The following ZBTB16 variants were observed in gnomAD, a reference collection of about 807,000 sequenced individuals.
The protein encoded by ZBTB16 is zinc finger and BTB domain containing 16, also known as zinc finger and BTB domain-containing protein 16.
ZBTB16 carries 8 observed loss-of-function variants against 56.8 expected under a neutral mutation model. The ratio of observed to expected loss-of-function variants is 0.14; its 90% CI spans 0.08 to 0.25. The LOEUF (loss-of-function observed/expected upper bound fraction) is 0.25, where lower values mean the gene tolerates loss of function less well. Among genes scored for constraint, ZBTB16 ranks in the 10% least tolerant of loss-of-function variants. The probability of loss-of-function intolerance (pLI) is 1.00; values close to 1 mark genes in which losing one functional copy is unlikely to be tolerated. For missense variants in ZBTB16, 625 were observed against 903.0 expected, an observed-to-expected ratio of 0.69 and a Z score of 3.95; for synonymous variants, 363 against 368.5, an observed-to-expected ratio of 0.98 and a Z score of 0.17.
At chr11:114,083,458 G>A (rs1302215127) in intron 2 of ZBTB16, among the ~76,000 whole-genome samples, 1 of 152,162 alleles carries the variant, frequency 6.6e-6, no homozygotes, top group African/African-American at 2.4e-5. Flanking sequence ...CGTCCCAGTC[G>A]CTGGCTCCAG....
At chr11:114,231,860 G>A (rs1944446746) in intron 4 of ZBTB16, among the ~76,000 whole-genome samples, 1 of 152,160 alleles carries the variant, frequency 6.6e-6, no homozygotes, top group Non-Finnish European at 1.5e-5. Context: ...TTGAATATTA[G>A]AGTGGAGAAA....
At chr11:114,099,583 CTGCTGGTGAG>C (rs1940537296) in intron 2 of ZBTB16, among the ~76,000 whole-genome samples, 1 of 152,044 alleles carries the variant, frequency 6.6e-6, no homozygotes. Flanking sequence ...AAGGCTTAGC[CTGCTGGTGAG>C]TCAATGGTTC....
chr11:114,224,512 C>T (rs1310660926), intron 4 of ZBTB16, among the ~76,000 whole-genome samples: 3 of 152,108 alleles, frequency 2.0e-5, no homozygotes, highest in African/African-American at 7.2e-5. Context: ...TGTGGGTATA[C>T]AGACGTATCT....
chr11:114,230,667 G>A (rs886612095), intron 4 of ZBTB16, among the ~76,000 whole-genome samples: 1 of 149,100 alleles, frequency 6.7e-6, no homozygotes, highest in Non-Finnish European at 1.5e-5. Flanking sequence ...CCATTAAAAT[G>A]TCAGTAAAAT....
intron 2 of ZBTB16, among the ~76,000 whole-genome samples, chr11:114,065,330 T>C (rs1039512972): frequency 1.3e-5 from 2 of 152,258 alleles, no homozygotes; most frequent in African/African-American, 4.8e-5. Context: ...TAACCATTCA[T>C]TGAGCTCTTA....
intron 2 of ZBTB16, among the ~76,000 whole-genome samples, chr11:114,121,484 C>T (rs1459209009): frequency 6.6e-6 from 1 of 152,124 alleles, no homozygotes; most frequent in Admixed American, 6.5e-5. Context: ...TATTCTCATG[C>T]CTGGTTCTTG....
chr11:114,131,904 A>G (rs909368374), intron 2 of ZBTB16, among the ~76,000 whole-genome samples: 1 of 151,890 alleles, frequency 6.6e-6, no homozygotes, highest in Non-Finnish European at 1.5e-5. Flanking sequence ...AAATGGGGAG[A>G]TTTTGCATGC....
In ZBTB16 at chr11:114,255,050, G is replaced by A. The variant is rs1374970975; in HGVS notation, c.*4495G>A. Among the ~76,000 whole-genome samples the A allele has an allele frequency of 6.6e-5, 10 of 152,280 alleles. No individual in the cohort carries two copies. The East Asian group carries it at 1.4e-3, about 21-fold the overall frequency. On this transcript the variant is annotated 3_prime_UTR_variant, in exon 7 of 7. Coordinates refer to ENST00000335953, the MANE Select transcript of ZBTB16 (RefSeq NM_006006.6). The stretch of plus-strand genomic sequence containing the variant: ...TCACATAGTGTTATGCATGATCTTC[G>A]TAAGGTTAAGAAGCCGTGGTGGTGC...
At chr11:114,211,171 C>T (rs1943991879) in intron 4 of ZBTB16, among the ~76,000 whole-genome samples, 1 of 152,214 alleles carries the variant, frequency 6.6e-6, no homozygotes, top group African/African-American at 2.4e-5. Flanking sequence ...ATCCACCCTC[C>T]TTGGCCTCCC....
intron 4 of ZBTB16, among the ~76,000 whole-genome samples, chr11:114,228,053 A>C (rs532938239): frequency 6.6e-6 from 1 of 152,210 alleles, no homozygotes; most frequent in Admixed American, 6.5e-5. Flanking sequence ...AGGGATTCTT[A>C]ACTTTTTTGT....
At chr11:114,157,589 T>A (rs901057935) in intron 3 of ZBTB16, among the ~76,000 whole-genome samples, 1 of 152,138 alleles carries the variant, frequency 6.6e-6, no homozygotes, top group African/African-American at 2.4e-5. Context: ...TTTAGTACTG[T>A]CTTTCCCCTG....
chr11:114,095,810 AC>A (rs1940384199), intron 2 of ZBTB16, among the ~76,000 whole-genome samples: 1 of 152,192 alleles, frequency 6.6e-6, no homozygotes, highest in Non-Finnish European at 1.5e-5. Context: ...TGGGAAGCAG[AC>A]CAGGCTCTGA....
intron 2 of ZBTB16, among the ~76,000 whole-genome samples, chr11:114,150,824 G>A (rs1346674667): frequency 6.6e-5 from 10 of 152,154 alleles, no homozygotes; most frequent in Admixed American, 3.9e-4. Flanking sequence ...CTTAAGAGTC[G>A]GTTGCTTTTG....
rs1208273703 is a variant in ZBTB16, at chr11:114,143,679, G to C, written c.1269-12658G>C. ...GGGGCCAACGTCCTTGTGCATTGAG[G>C]CTCCAGCCTCTCTTCTCCTCCATGC... is the stretch of plus-strand genomic sequence containing the variant. On this transcript the variant is annotated intron_variant, in intron 2 of 6. Transcript: ENST00000335953. This position sits in a 1 kb window ranked among gnomAD's most constrained non-coding sequence, Gnocchi z 6.4. Among the ~76,000 whole-genome samples the C allele has an allele frequency of 1.3e-5, 2 of 152,186 alleles. No homozygotes were observed. The highest frequency in any genetic ancestry group is 1.3e-4 in the Admixed American group (2 of 15,278).
chr11:114,236,748 A>T (rs1191377332), intron 4 of ZBTB16, among the ~76,000 whole-genome samples: 1 of 152,206 alleles, frequency 6.6e-6, no homozygotes, highest in Admixed American at 6.5e-5. Flanking sequence ...TTCAACATGC[A>T]GTTATTAAGT....
intron 2 of ZBTB16, among the ~76,000 whole-genome samples, chr11:114,130,104 G>A (rs1346174125): frequency 2.0e-5 from 3 of 152,178 alleles, no homozygotes; most frequent in East Asian, 1.9e-4. Flanking sequence ...TTTCACTTAC[G>A]AAAAGTTTCT....
At chr11:114,192,241 T>C (rs978265638) in intron 4 of ZBTB16, among the ~76,000 whole-genome samples, 2 of 152,174 alleles carry the variant, frequency 1.3e-5, no homozygotes, top group African/African-American at 4.8e-5. Flanking sequence ...ACAGCTCAGG[T>C]TTCCAGGAGT....
At chr11:114,189,779 A>AC (rs1184045781) in intron 4 of ZBTB16, 1 of 151,996 alleles carries the variant, frequency 6.6e-6, no homozygotes, top group African/African-American at 2.4e-5. Context: ...AAAAAAAAAA[A>AC]AGGTTAAACA....
intron 4 of ZBTB16, among the ~76,000 whole-genome samples, chr11:114,235,629 C>CT (rs1944551537): frequency 1.0e-5 from 1 of 97,794 alleles, no homozygotes; most frequent in Non-Finnish European, 2.1e-5. Flanking sequence ...CCTCTCCCTT[C>CT]CTTTCTTTCT....
Sources: gnomAD v4.1 joint callset for allele counts (sites outside exome capture counted in the v4.1 genomes callset) on GRCh38, gnomAD v4.1.1 for gene constraint, Gnocchi (gnomAD v3.1) non-coding constraint, MANE v1.5 for transcripts, NCBI Gene and HGNC (gene_info 2026-07-23, HGNC 2026-07-21) for gene names.